TTC27: variants seen among roughly 807,000 people sequenced by gnomAD.
TTC27 encodes the protein tetratricopeptide repeat domain 27, also known as tetratricopeptide repeat protein 27.
In TTC27, 79 loss-of-function variants were observed where a neutral mutation model predicts 115.9. The observed-to-expected ratio is 0.68, with a 90% CI of 0.57 to 0.82. The LOEUF (loss-of-function observed/expected upper bound fraction) is 0.82. TTC27 is among the 40% of genes least tolerant of loss of function. The pLI, the probability that TTC27 is intolerant of heterozygous loss-of-function variation, is 0.00. For synonymous variants in TTC27, 401 were observed against 356.0 expected (o/e 1.13, Z -1.42); for missense variants, 1,054 against 993.1 (o/e 1.06, Z -0.82).
At chr2:32,692,393 C>G (rs1467635748) in intron 9 of TTC27, among the ~76,000 whole-genome samples, 2 of 151,844 alleles carry the variant, frequency 1.3e-5, no homozygotes, top group African/African-American at 4.8e-5. Flanking sequence ...AACCAAAAAG[C>G]AGAACGGGTT....
chr2:32,806,509 A>G (rs1572631012), intron 16 of TTC27, among the ~76,000 whole-genome samples: 2 of 152,220 alleles, frequency 1.3e-5, no homozygotes, highest in African/African-American at 4.8e-5. Flanking sequence ...TTATACAATT[A>G]CTGTAATGGT....
chr2:32,741,639 G>A (rs908880059), intron 12 of TTC27, among the ~76,000 whole-genome samples: 2 of 131,694 alleles, frequency 1.5e-5, no homozygotes, highest in Non-Finnish European at 3.3e-5. Flanking sequence ...GTGACAGAGC[G>A]AGAATCCAAT....
intron 12 of TTC27, among the ~76,000 whole-genome samples, chr2:32,746,577 A>AAAAAAAAAAAAAAAAAAAAAAAAAAAAC (rs1274679777): frequency 6.7e-6 from 1 of 149,592 alleles, no homozygotes; most frequent in African/African-American, 2.4e-5. Context: ...AAAAAAAAAA[A>AAAAAAAAAAAAAAAAAAAAAAAAAAAAC]AAAAAGAATG....
intron 10 of TTC27, among the ~76,000 whole-genome samples, chr2:32,731,622 T>G (rs535976410): frequency 2.0e-5 from 3 of 152,300 alleles, no homozygotes; most frequent in Admixed American, 2.0e-4. Context: ...CAAGTGATCT[T>G]CCTACTTTGG....
chr2:32,736,981 C>T (rs1668471867), intron 12 of TTC27, among the ~76,000 whole-genome samples, 165 bp downstream of exon 12: 2 of 152,154 alleles, frequency 1.3e-5, no homozygotes, highest in Admixed American at 1.3e-4. Flanking sequence ...TCCACTGGGG[C>T]AGATTTTTAC....
chr2:32,635,766 G>T (rs1296313961), intron 3 of TTC27, among the ~76,000 whole-genome samples: 1 of 149,628 alleles, frequency 6.7e-6, no homozygotes, highest in African/African-American at 2.5e-5. Context: ...ATAATTTGAT[G>T]GGGGGGTAGA....
chr2:32,645,708 A>G (rs375389799), intron 4 of TTC27, among the ~76,000 whole-genome samples: 12 of 151,048 alleles, frequency 7.9e-5, no homozygotes, highest in Admixed American at 2.0e-4. Flanking sequence ...CCTCCCCCCA[A>G]TTTTTTCTTT....
chr2:32,637,586 C>T (rs4952345), intron 3 of TTC27, among the ~76,000 whole-genome samples: 31,213 of 152,104 alleles, frequency 0.21, 3,644 homozygotes, highest in East Asian at 0.45. Context: ...CTGCCTCAGC[C>T]TCCCAAAGTG....
At chr2:32,754,764 G>A (rs1449230134) in intron 12 of TTC27, among the ~76,000 whole-genome samples, 41 of 150,486 alleles carry the variant, frequency 2.7e-4, no homozygotes, top group Admixed American at 7.2e-4. Flanking sequence ...GTGGCTGGCC[G>A]GGCGGGGGCT....
chr2:32,660,516 A>G (rs1665505872), intron 5 of TTC27, among the ~76,000 whole-genome samples: 1 of 151,736 alleles, frequency 6.6e-6, no homozygotes, highest in Admixed American at 6.6e-5. Context: ...CGAACACTGC[A>G]TGTTCTCACT....
At position 32,628,237 on chromosome 2, in the gene TTC27, T is replaced by G. The variant is rs2063524531; in HGVS notation, c.-56T>G. On this transcript the variant is annotated 5_prime_UTR_variant, in exon 1 of 20. Coordinates refer to ENST00000317907, the MANE Select transcript of TTC27 (RefSeq NM_017735.5). ...CTCTCCTGTTTTCACTTTCTTTTGTTGACTCCCGTGTGGCCCTCGTGGGAG... is the reference window on the plus strand; with the variant it reads ...CTCTCCTGTTTTCACTTTCTTTTGTGGACTCCCGTGTGGCCCTCGTGGGAG... 1 of 1,529,048 alleles carries G rather than the reference T, an allele frequency of 6.5e-7. No individual in the cohort carries two copies. The highest frequency in any genetic ancestry group is 8.9e-7 in the Non-Finnish European group (1 of 1,119,340). 94.7% of individuals were successfully genotyped at this position (1,529,048 alleles called of 1,614,324 possible).
chr2:32,699,959 C>T (rs755161906), intron 9 of TTC27, among the ~76,000 whole-genome samples: 7 of 152,198 alleles, frequency 4.6e-5, no homozygotes, highest in East Asian at 1.9e-4. Context: ...GCTGTGCAAG[C>T]GTTTGGGACA....
At chr2:32,727,253 T>C (rs973326922) in intron 10 of TTC27, among the ~76,000 whole-genome samples, 4 of 152,198 alleles carry the variant, frequency 2.6e-5, no homozygotes, top group Non-Finnish European at 4.4e-5. Flanking sequence ...TTAATGCATG[T>C]AGTTTTAAAT....
Position 32,666,757 on chromosome 2 carries a change from C to T in TTC27, c.928C>T (p.His310Tyr), listed in dbSNP as rs1395367554. ...EFTPAPTPQE[H>Y]LTKNLELNDD... is the part of the protein sequence containing the mutation. The stretch of plus-strand genomic sequence containing the variant: ...CACTCCAGCACCCACTCCTCAGGAA[C>T]ATTTAACCAAGGCAAGTAGGACATT... The change falls in exon 7 of 20, where the codon CAT becomes TAT. Residue 310 changes from histidine to tyrosine, a missense_variant. Transcript: ENST00000317907. 1.2e-6 allele frequency: 2 copies of T among 1,612,152 alleles called. No homozygotes were observed. The highest frequency in any genetic ancestry group is 1.7e-5 in the Admixed American group (1 of 59,740).
At chr2:32,674,255 A>G (rs777820096) in intron 8 of TTC27, among the ~76,000 whole-genome samples, 1 of 151,588 alleles carries the variant, frequency 6.6e-6, no homozygotes, top group South Asian at 2.1e-4. Flanking sequence ...GGTTCAAGCA[A>G]TTCTCCTGCT....
chr2:32,681,134 T>G (rs929291349), intron 9 of TTC27, among the ~76,000 whole-genome samples: 2 of 152,198 alleles, frequency 1.3e-5, no homozygotes, highest in African/African-American at 4.8e-5. Context: ...GGAGGAAAGC[T>G]GTTTGATTAC....
rs116828367 is a variant in TTC27 at position 32,697,494 on chromosome 2, A to G, written c.1120-5313A>G. On this transcript the variant is annotated intron_variant, in intron 9 of 19. Transcript: ENST00000317907. Reference sequence around the variant, plus strand: ...CTGAACAGTAAAGAAATGTGTTTATAAGATATTTCAGTAAATGTGAAGTTT... The same window carrying G: ...CTGAACAGTAAAGAAATGTGTTTATGAGATATTTCAGTAAATGTGAAGTTT... 5.5e-3 allele frequency among the ~76,000 whole-genome samples: 840 copies of G among 152,332 alleles called. 11 individuals carry two copies. The highest frequency in any genetic ancestry group is 0.019 in the African/African-American group (796 of 41,592).
intron 17 of TTC27, among the ~76,000 whole-genome samples, chr2:32,811,652 G>C (rs1671320850): frequency 6.6e-6 from 1 of 152,170 alleles, no homozygotes; most frequent in Admixed American, 6.5e-5. Flanking sequence ...TAAAGATCTT[G>C]GAAGAGAACT....
chr2:32,792,941 T>G (rs1445338835), intron 16 of TTC27, among the ~76,000 whole-genome samples: 4 of 152,226 alleles, frequency 2.6e-5, no homozygotes, highest in Non-Finnish European at 5.9e-5. Flanking sequence ...AGTGTTAGTT[T>G]CCCAGTCATT....
Sources: gnomAD v4.1 joint callset for allele counts (sites outside exome capture counted in the v4.1 genomes callset) on GRCh38, gnomAD v4.1.1 for gene constraint, MANE v1.5 for transcripts, NCBI Gene and HGNC (gene_info 2026-07-23, HGNC 2026-07-21) for gene names.